RANBP2: variants seen among roughly 807,000 people sequenced by gnomAD.
RANBP2 encodes the protein RAN binding protein 2, also known as E3 SUMO-protein ligase RanBP2.
A neutral mutation model predicts 303.6 loss-of-function variants in RANBP2; 57 were observed. The observed-to-expected ratio is 0.19, with a 90% confidence interval of 0.15 to 0.23. The LOEUF (loss-of-function observed/expected upper bound fraction) is 0.23, where lower values mean the gene tolerates loss of function less well. Ranked by LOEUF, RANBP2 falls within the 10% of genes least tolerant of loss-of-function variation. The pLI is 1.00. For synonymous variants in RANBP2, 1,167 were observed against 1,301.5 expected (o/e 0.90, Z 2.23); for missense variants, 3,138 against 3,780.8 (o/e 0.83, Z 4.46).
chr2:108,853,526 T>A, the RANBP2 span, among the ~76,000 whole-genome samples: 2 of 149,914 alleles, frequency 1.3e-5, no homozygotes, highest in Non-Finnish European at 3.0e-5. Flanking sequence ...ACTGATAGCT[T>A]TCTTTTTTTT....
the RANBP2 span, among the ~76,000 whole-genome samples, chr2:109,354,082 A>G: frequency 5.3e-5 from 8 of 152,200 alleles, no homozygotes; most frequent in Admixed American, 1.3e-4. Flanking sequence ...CCCACCATAG[A>G]TGGCAGTCGG....
the RANBP2 span, among the ~76,000 whole-genome samples, chr2:109,305,773 A>G: frequency 6.6e-6 from 1 of 152,220 alleles, no homozygotes; most frequent in African/African-American, 2.4e-5. Flanking sequence ...CCTGAGACAG[A>G]TGCCACAAAA....
At chr2:108,866,394 G>C in the RANBP2 span, among the ~76,000 whole-genome samples, 1 of 152,198 alleles carries the variant, frequency 6.6e-6, no homozygotes, top group African/African-American at 2.4e-5. Flanking sequence ...AGGGGATGTG[G>C]ACATCTTTTG....
chr2:109,565,482 T>C, the RANBP2 span, among the ~76,000 whole-genome samples: 9 of 152,356 alleles, frequency 5.9e-5, no homozygotes, highest in African/African-American at 2.2e-4. Context: ...TGATGTTTTA[T>C]GTCTGAACAC....
At chr2:108,906,489 G>A in the RANBP2 span, 14 of 1,015,732 alleles carry the variant, frequency 1.4e-5, no homozygotes, top group East Asian at 3.0e-4. Flanking sequence ...GCTGCACACA[G>A]CCCCCGTGTC....
the RANBP2 span, among the ~76,000 whole-genome samples, chr2:108,925,235 C>T: frequency 2.0e-5 from 3 of 152,246 alleles, no homozygotes; most frequent in Non-Finnish European, 4.4e-5. Flanking sequence ...GGATGATTGT[C>T]TGTAAACATT....
In RANBP2 at chr2:108,764,845, A is replaced by G. The variant is rs1558921187; in HGVS notation, c.4306A>G (p.Ile1436Val). ...VRNEPTVSRC[I>V]ACQNTKSANK... ...AAATGAACCTACTGTATCTAGGTGC[A>G]TTGCGTGTCAGAATACAAAATCTGC... Residue 1436 changes from isoleucine to valine, a missense_variant, in exon 20 of 29, where the codon ATT (isoleucine) becomes GTT (valine). Around this residue, in one of 20 missense-constraint regions of RANBP2, gnomAD observed 388 missense variants for 328.5 expected, o/e 1.18. Transcript: ENST00000283195. 3.7e-6 allele frequency: 6 copies of G among 1,614,078 alleles called. No individual in the cohort carries two copies. The highest frequency in any genetic ancestry group is 4.2e-6 in the Non-Finnish European group (5 of 1,179,952).
chr2:109,222,785 T>A, the RANBP2 span, among the ~76,000 whole-genome samples: 3 of 152,346 alleles, frequency 2.0e-5, no homozygotes, highest in East Asian at 5.8e-4. Flanking sequence ...GACTTTTTGG[T>A]TTGCTAAAAG....
the RANBP2 span, among the ~76,000 whole-genome samples, chr2:108,967,600 G>T: frequency 6.6e-6 from 1 of 152,162 alleles, no homozygotes; most frequent in African/African-American, 2.4e-5. Context: ...ACTTGAAAGA[G>T]CAGGGGGCTG....
chr2:109,532,834 C>T, the RANBP2 span, among the ~76,000 whole-genome samples: 1 of 152,222 alleles, frequency 6.6e-6, no homozygotes, highest in African/African-American at 2.4e-5. Flanking sequence ...GACGCCTCCT[C>T]TACCCTTTGG....
chr2:108,887,689 G>GT, the RANBP2 span, among the ~76,000 whole-genome samples: 1 of 152,078 alleles, frequency 6.6e-6, no homozygotes, highest in Non-Finnish European at 1.5e-5. Context: ...ATCACTATGG[G>GT]TATAGAAATG....
At chr2:108,726,908 T>G (rs1201366676) in intron 1 of RANBP2, among the ~76,000 whole-genome samples, 2 of 152,160 alleles carry the variant, frequency 1.3e-5, no homozygotes, top group Non-Finnish European at 2.9e-5. Flanking sequence ...CATTTAACCC[T>G]GGGTGGACAC....
chr2:109,558,897 T>C, the RANBP2 span, among the ~76,000 whole-genome samples: 1 of 152,014 alleles, frequency 6.6e-6, no homozygotes, highest in Non-Finnish European at 1.5e-5. Context: ...AAATTCTTTT[T>C]TTTTTTGAGA....
the RANBP2 span, among the ~76,000 whole-genome samples, chr2:109,734,931 T>C: frequency 6.6e-6 from 1 of 152,312 alleles, no homozygotes; most frequent in South Asian, 2.1e-4. Flanking sequence ...TTTTGATACA[T>C]GTATACAAAG....
At chr2:109,629,335 ATATATATATATATATATATATTTTTT>A in the RANBP2 span, among the ~76,000 whole-genome samples, 176 of 9,492 alleles carry the variant, frequency 0.019, 5 homozygotes, top group African/African-American at 0.05. Flanking sequence ...ATATATATAT[ATATATATATATATATATATATTTTTT>A]TTTTTTTTTT....
At chr2:109,062,398 C>T in the RANBP2 span, among the ~76,000 whole-genome samples, 1 of 152,150 alleles carries the variant, frequency 6.6e-6, no homozygotes, top group African/African-American at 2.4e-5. Flanking sequence ...CCCCTTCAAC[C>T]AGACCGCATT....
chr2:108,879,465 GAGAA>G, the RANBP2 span, among the ~76,000 whole-genome samples: 1 of 152,104 alleles, frequency 6.6e-6, no homozygotes, highest in Non-Finnish European at 1.5e-5. Flanking sequence ...TTGGCAAAAT[GAGAA>G]AGAATAAGAT....
chr2:109,517,178 A>AATG, the RANBP2 span, among the ~76,000 whole-genome samples: 5,804 of 152,190 alleles, frequency 0.038, 362 homozygotes, highest in African/African-American at 0.13. Context: ...TGCAAAGGGT[A>AATG]TACACAGAGG....
At chr2:109,388,911 T>C in the RANBP2 span, among the ~76,000 whole-genome samples, 2 of 152,152 alleles carry the variant, frequency 1.3e-5, no homozygotes, top group East Asian at 3.9e-4. Flanking sequence ...TAATAGAGAT[T>C]AGTGGTGAGG....
Sources: gnomAD v4.1 joint callset for allele counts (sites outside exome capture counted in the v4.1 genomes callset) on GRCh38, gnomAD v4.1.1 for gene constraint, gnomAD v4.1.1 regional missense constraint, MANE v1.5 for transcripts, NCBI Gene and HGNC (gene_info 2026-07-23, HGNC 2026-07-21) for gene names.